TNRC6A: variants seen among roughly 807,000 people sequenced by gnomAD.
TNRC6A encodes trinucleotide repeat containing adaptor 6A, also known as trinucleotide repeat-containing gene 6A protein.
A neutral mutation model predicts 221.2 loss-of-function variants in TNRC6A; 44 were observed. That is an observed-to-expected ratio of 0.20 (90% confidence interval 0.16 to 0.26). The LOEUF is 0.26. Among genes scored for constraint, TNRC6A ranks in the 10% least tolerant of loss-of-function variants. The pLI is 1.00. For missense variants in TNRC6A, 2,199 were observed against 2,404.4 expected (o/e 0.91, Z 1.79); for synonymous variants, 847 against 838.5 (o/e 1.01, Z -0.18).
At chr16:24,778,667 G>A (rs1182197957) in intron 5 of TNRC6A, among the ~76,000 whole-genome samples, 1 of 152,092 alleles carries the variant, frequency 6.6e-6, no homozygotes, top group Non-Finnish European at 1.5e-5. Flanking sequence ...TTAATTACAT[G>A]ACATGTTATT....
intron 20 of TNRC6A, among the ~76,000 whole-genome samples, chr16:24,818,068 G>C (rs2058690060): frequency 6.6e-6 from 1 of 152,128 alleles, no homozygotes; most frequent in African/African-American, 2.4e-5. Flanking sequence ...GTCGGGTCTA[G>C]AGCTCAACTA....
intron 2 of TNRC6A, among the ~76,000 whole-genome samples, chr16:24,710,867 C>A (rs1451333563): frequency 6.9e-6 from 1 of 144,234 alleles, no homozygotes; most frequent in Non-Finnish European, 1.5e-5. Flanking sequence ...CACCCACCAC[C>A]ATGCCCGGCT....
chr16:24,774,919 A>G (rs536144823), intron 4 of TNRC6A, among the ~76,000 whole-genome samples: 3 of 152,322 alleles, frequency 2.0e-5, no homozygotes, highest in South Asian at 2.1e-4. Flanking sequence ...AATATAATGT[A>G]AATGCTGTGT....
intron 3 of TNRC6A, among the ~76,000 whole-genome samples, chr16:24,752,264 C>T (rs1307239280): frequency 6.6e-6 from 1 of 152,078 alleles, no homozygotes; most frequent in Non-Finnish European, 1.5e-5. Flanking sequence ...TAGATTGACT[C>T]GCAGGTTCCA....
At chr16:24,757,316 C>G (rs1486298461) in intron 3 of TNRC6A, among the ~76,000 whole-genome samples, 1 of 152,104 alleles carries the variant, frequency 6.6e-6, no homozygotes, top group Non-Finnish European at 1.5e-5. Context: ...AGCTTTTACC[C>G]ATATATCTAT....
intron 11 of TNRC6A, among the ~76,000 whole-genome samples, chr16:24,801,311 G>T (rs1487816756): frequency 6.6e-6 from 1 of 152,080 alleles, no homozygotes; most frequent in African/African-American, 2.4e-5. Flanking sequence ...AGTTAGAGTA[G>T]AATAATTTTT....
Position 24,820,136 on chromosome 16 carries a change from T to C in TNRC6A, c.5081-3T>C. ...CCTCTCCATTTTTTCCCCCTTTGAG[T>C]AGCCAGAAATAGTGATTCCAAATTG... On this transcript the variant is annotated splice_region_variant and splice_polypyrimidine_tract_variant and intron_variant, in intron 21 of 24. Transcript: ENST00000395799. The C allele has an allele frequency of 1.9e-6, 3 of 1,613,710 alleles. No individual in the cohort carries two copies. The highest frequency in any genetic ancestry group is 2.5e-6 in the Non-Finnish European group (3 of 1,179,616).
chr16:24,784,023 G>GT (rs1206586513), intron 5 of TNRC6A, among the ~76,000 whole-genome samples: 2 of 152,174 alleles, frequency 1.3e-5, no homozygotes, highest in Non-Finnish European at 2.9e-5. Flanking sequence ...TTGAGATGGA[G>GT]TTTCGCTCTT....
At chr16:24,778,559 C>A (rs2057774742) in intron 5 of TNRC6A, 10 of 917,350 alleles carry the variant, frequency 1.1e-5, no homozygotes, top group Non-Finnish European at 1.2e-5. Flanking sequence ...AATTTCCCAG[C>A]ACCTTATTAC....
intron 5 of TNRC6A, among the ~76,000 whole-genome samples, chr16:24,777,970 G>A (rs925313852): frequency 6.6e-6 from 1 of 152,162 alleles, no homozygotes; most frequent in African/African-American, 2.4e-5. Flanking sequence ...ACATGTTCTG[G>A]AAAGTTTTGA....
intron 18 of TNRC6A, among the ~76,000 whole-genome samples, chr16:24,812,533 C>T (rs1332417441): frequency 6.6e-6 from 1 of 152,018 alleles, no homozygotes; most frequent in Non-Finnish European, 1.5e-5. Context: ...GTAGTGGGTC[C>T]ATTGAGCTTA....
rs911866388 is a variant in TNRC6A, at chr16:24,644,043, T to A, written n.402+3034T>A. On this transcript the variant is annotated intron_variant and non_coding_transcript_variant, in intron 2 of 2. Coordinates refer to the TNRC6A transcript ENST00000566108. Reference sequence around the variant, plus strand: ...AAATAAGAGGGCAGGCAATTCTAGATCATCGCTGGGTTTTGTTTGTTTTGT... The same window carrying A: ...AAATAAGAGGGCAGGCAATTCTAGAACATCGCTGGGTTTTGTTTGTTTTGT... Among the ~76,000 whole-genome samples the A allele has an allele frequency of 7.2e-5, 11 of 151,730 alleles. No individual in the cohort carries two copies. The South Asian group carries it at 2.3e-3, about 32-fold the overall frequency.
intron 3 of TNRC6A, among the ~76,000 whole-genome samples, chr16:24,753,511 A>C (rs1037356278): frequency 6.6e-6 from 1 of 152,210 alleles, no homozygotes; most frequent in Non-Finnish European, 1.5e-5. Flanking sequence ...TTTGAATACA[A>C]CCTGTCGGTG....
chr16:24,724,498 C>G (rs544436753), intron 2 of TNRC6A, among the ~76,000 whole-genome samples: 1 of 152,296 alleles, frequency 6.6e-6, no homozygotes, highest in Admixed American at 6.5e-5. Context: ...GTAATCCCAG[C>G]ACTTTGGGAG....
intron 2 of TNRC6A, among the ~76,000 whole-genome samples, chr16:24,648,062 T>G (rs1347240993): frequency 6.6e-6 from 1 of 152,158 alleles, no homozygotes; most frequent in Non-Finnish European, 1.5e-5. Flanking sequence ...TCCTTCTTTC[T>G]TAAGACCATA....
intron 2 of TNRC6A, among the ~76,000 whole-genome samples, chr16:24,705,226 G>C (rs926572681): frequency 1.3e-5 from 2 of 152,060 alleles, no homozygotes; most frequent in African/African-American, 4.8e-5. Flanking sequence ...AACTTGCCCA[G>C]ATCACACAGT....
chr16:24,750,878 T>C, intron 3 of TNRC6A, 65 bp downstream of exon 3: 4 of 1,312,306 alleles, frequency 3.0e-6, no homozygotes, highest in South Asian at 2.4e-5. Flanking sequence ...AAATTACTCT[T>C]ACAGATTTTG....
Position 24,823,561 on chromosome 16 carries a change from G to T in TNRC6A, c.5643G>T (p.Arg1881=). 1 of 1,614,128 alleles carries T rather than the reference G, an allele frequency of 6.2e-7. No homozygotes were observed. The highest frequency in any genetic ancestry group is 8.5e-7 in the Non-Finnish European group (1 of 1,180,016). Residue 1881 remains arginine, a synonymous_variant, in exon 25 of 25, where the codon CGG becomes CGT. Coordinates refer to ENST00000395799, the MANE Select transcript of TNRC6A (RefSeq NM_014494.4). The surrounding 1 kb of genome is among the most constrained non-coding windows in gnomAD (Gnocchi z 4.3). The stretch of plus-strand genomic sequence containing the variant: ...AGTCTCTCGGGTCCAGCCAGAGCCG[G>T]CTGGGCTCCCTCGACTGTTCCCACT... ...GWQSLGSSQS[R]LGSLDCSHSF...
intron 2 of TNRC6A, among the ~76,000 whole-genome samples, chr16:24,744,226 T>C (rs553868277): frequency 6.6e-6 from 1 of 152,208 alleles, no homozygotes; most frequent in Non-Finnish European, 1.5e-5. Flanking sequence ...ATGCCTGATA[T>C]CCTTTTATCC....
Sources: gnomAD v4.1 joint callset for allele counts (sites outside exome capture counted in the v4.1 genomes callset) on GRCh38, gnomAD v4.1.1 for gene constraint, Gnocchi (gnomAD v3.1) non-coding constraint, MANE v1.5 for transcripts, NCBI Gene and HGNC (gene_info 2026-07-23, HGNC 2026-07-21) for gene names.